Variants in TBC1D8 observed in about 807,000 individuals in gnomAD.
TBC1D8 encodes the protein BUB2-like protein 1.
TBC1D8 carries 65 observed loss-of-function variants against 118.8 expected under a neutral mutation model. The observed-to-expected ratio is 0.55, with a 90% CI of 0.45 to 0.67. The LOEUF (loss-of-function observed/expected upper bound fraction) is 0.67. Among genes scored for constraint, TBC1D8 ranks in the 30% least tolerant of loss-of-function variants. The pLI is 0.00. For synonymous variants in TBC1D8, 566 were observed against 595.8 expected, an observed-to-expected ratio of 0.95 and a Z score of 0.73; for missense variants, 1,376 against 1,471.2, an observed-to-expected ratio of 0.94 and a Z score of 1.06.
rs1307640657 is a variant in TBC1D8, at chr2:101,008,169, C to T, written c.3120G>A (p.Leu1040=). 1.2e-6 allele frequency: 2 copies of T among 1,613,776 alleles called. No homozygotes were observed. The highest frequency in any genetic ancestry group is 1.7e-6 in the Non-Finnish European group (2 of 1,179,774). Residue 1040 remains leucine, a synonymous_variant, in exon 20 of 20, where the codon CTG becomes CTA. Transcript: ENST00000409318. ...QAIATVTTLL[L]QIGEVGQRGS... ...CTCGCTGCCCCACCTCCCCGATCTG[C>T]AGCAGCAGTGTGGTGACTGTGGCGA...
intron 17 of TBC1D8, among the ~76,000 whole-genome samples, chr2:101,015,405 C>T (rs1176575017): frequency 6.6e-6 from 1 of 152,178 alleles, no homozygotes; most frequent in Non-Finnish European, 1.5e-5. Context: ...GTACTGAGTT[C>T]ATTTTAAAAA....
intron 3 of TBC1D8, 74 bp downstream of exon 3, chr2:101,059,347 T>C: frequency 1.7e-6 from 2 of 1,194,440 alleles, no homozygotes; most frequent in Admixed American, 3.7e-5. Context: ...ACTGTTAGTA[T>C]GCTACAGTGT....
At chr2:101,140,802 G>A (rs903472991) in intron 1 of TBC1D8, among the ~76,000 whole-genome samples, 1 of 138,826 alleles carries the variant, frequency 7.2e-6, no homozygotes, top group Non-Finnish European at 1.5e-5. Flanking sequence ...CACTCTTGTC[G>A]CTCAGGCTGG....
chr2:101,034,825 C>T (rs185819545), intron 9 of TBC1D8, among the ~76,000 whole-genome samples: 1 of 152,268 alleles, frequency 6.6e-6, no homozygotes, highest in East Asian at 1.9e-4. Context: ...ATACAGAAGA[C>T]TTTTTCACTT....
At chr2:101,042,981 C>G (rs566585556) in intron 5 of TBC1D8, among the ~76,000 whole-genome samples, 70 of 152,280 alleles carry the variant, frequency 4.6e-4, no homozygotes, top group African/African-American at 1.7e-3. Context: ...CCTTTCTGGT[C>G]TCATGTCCAC....
At chr2:101,046,512 A>C (rs1201220231) in intron 5 of TBC1D8, among the ~76,000 whole-genome samples, 2 of 152,192 alleles carry the variant, frequency 1.3e-5, no homozygotes, top group African/African-American at 4.8e-5. Flanking sequence ...TTCTCTTGCA[A>C]GGTGGGGCCT....
chr2:101,062,300 AT>A (rs1241518622), intron 2 of TBC1D8, among the ~76,000 whole-genome samples: 2 of 151,984 alleles, frequency 1.3e-5, no homozygotes, highest in Non-Finnish European at 2.9e-5. Context: ...GTCACTCAGA[AT>A]AAAGAAAAAA....
chr2:101,059,598 A>T, intron 2 of TBC1D8, 59 bp from the exon 3 acceptor site: 1 of 1,383,782 alleles, frequency 7.2e-7, no homozygotes, highest in Non-Finnish European at 1.0e-6. Flanking sequence ...TAATTCCTAG[A>T]ACGTTAACTC....
rs543762501 is a variant in TBC1D8 at position 101,108,568 on chromosome 2, G to A, written c.128-18204C>T. On this transcript the variant is annotated intron_variant, in intron 1 of 19. Transcript: ENST00000409318. ...TCTGCTTGCCCTTTCCAGCTTCTGA[G>A]ACCAACAACTTTACTTGGCTCGGGG... Among the ~76,000 whole-genome samples the A allele has an allele frequency of 2.0e-5, 3 of 152,228 alleles. No individual in the cohort carries two copies. The South Asian group carries it at 6.2e-4, about 32-fold the overall frequency.
intron 11 of TBC1D8, among the ~76,000 whole-genome samples, chr2:101,031,837 G>C (rs1022069845): frequency 6.6e-6 from 1 of 151,978 alleles, no homozygotes; most frequent in Non-Finnish European, 1.5e-5. Flanking sequence ...GCAACCGAGG[G>C]CCTCCTGTCT....
chr2:101,038,335 C>CA (rs1393580465), intron 7 of TBC1D8, 126 bp downstream of exon 7: 1 of 1,119,202 alleles, frequency 8.9e-7, no homozygotes, highest in Non-Finnish European at 1.3e-6. Flanking sequence ...TCAGAAATGA[C>CA]AGCAGACCAC....
At chr2:101,137,923 C>G (rs1678927043) in intron 1 of TBC1D8, among the ~76,000 whole-genome samples, 1 of 152,092 alleles carries the variant, frequency 6.6e-6, no homozygotes, top group Non-Finnish European at 1.5e-5. Context: ...AAAGAAATAC[C>G]CGCGACTGGG....
At chr2:101,110,476 T>C (rs1456364361) in intron 1 of TBC1D8, among the ~76,000 whole-genome samples, 1 of 152,134 alleles carries the variant, frequency 6.6e-6, no homozygotes, top group Non-Finnish European at 1.5e-5. Context: ...GAAGTACATC[T>C]GAGCAGCTCA....
chr2:101,138,507 C>T (rs1678957709), intron 1 of TBC1D8, among the ~76,000 whole-genome samples: 1 of 152,136 alleles, frequency 6.6e-6, no homozygotes, highest in African/African-American at 2.4e-5. Context: ...CAGTCACAAG[C>T]CCAAGGCTGT....
chr2:101,054,317 G>A lies in TBC1D8; in HGVS notation c.422C>T (p.Thr141Ile). Residue 141 changes from threonine to isoleucine, a missense_variant, in exon 4 of 20, where the codon ACC becomes ATC. Physicochemically the swap from Thr to Ile is moderately conservative, Grantham distance 89 (BLOSUM62 -1). Transcript: ENST00000409318. ...CTCCTGCTCGGCGAGCCTGCTGCTG[G>A]TCTCCTCGGCTATCAGAGCCTGACA... ...GKVKALIAEE[T>I]SSRLAEQEEE... 6.4e-7 allele frequency: 1 copy of A among 1,566,664 alleles called. No homozygotes were observed. The highest frequency in any genetic ancestry group is 1.2e-5 in the South Asian group (1 of 85,126).
At chr2:101,103,619 C>G (rs925287354) in intron 1 of TBC1D8, among the ~76,000 whole-genome samples, 1 of 152,050 alleles carries the variant, frequency 6.6e-6, no homozygotes, top group Non-Finnish European at 1.5e-5. Context: ...GTCTCGATCT[C>G]CTGACCTCAT....
chr2:101,068,476 A>G (rs903119606), intron 2 of TBC1D8: 2 of 378,782 alleles, frequency 5.3e-6, no homozygotes, highest in Non-Finnish European at 9.6e-6. Flanking sequence ...TGTTCCAGGA[A>G]GTTCTTCCAA....
At chr2:101,113,724 C>T (rs1005406424) in intron 1 of TBC1D8, among the ~76,000 whole-genome samples, 9 of 152,126 alleles carry the variant, frequency 5.9e-5, no homozygotes, top group African/African-American at 1.9e-4. Context: ...CGCAAGAGTG[C>T]CTCCTTTGCA....
At chr2:101,046,236 A>G (rs1681695710) in intron 5 of TBC1D8, among the ~76,000 whole-genome samples, 1 of 152,232 alleles carries the variant, frequency 6.6e-6, no homozygotes, top group Non-Finnish European at 1.5e-5. Context: ...GCCCACGGCC[A>G]CTAGGCTCAC....
Sources: allele counts gnomAD v4.1 joint callset (sites outside exome capture counted in the v4.1 genomes callset), GRCh38; gene constraint gnomAD v4.1.1; transcripts MANE v1.5; gene names NCBI Gene and HGNC (gene_info 2026-07-23, HGNC 2026-07-21).